Variants in KMT2C observed in about 807,000 individuals in gnomAD.
KMT2C encodes the protein histone-lysine N-methyltransferase 2C.
KMT2C carries 88 observed loss-of-function variants against 507.9 expected under a neutral mutation model. That is an observed-to-expected ratio of 0.17 (90% confidence interval 0.15 to 0.21). KMT2C has a LOEUF of 0.21. Ranked by LOEUF, KMT2C falls within the 10% of genes least tolerant of loss-of-function variation. The pLI, the probability that KMT2C is intolerant of heterozygous loss-of-function variation, is 1.00. For missense variants in KMT2C, 4,954 were observed against 5,957.8 expected, an observed-to-expected ratio of 0.83 and a Z score of 5.55; for synonymous variants, 2,049 against 2,080.8, an observed-to-expected ratio of 0.98 and a Z score of 0.42.
chr7:152,161,945 G>T (rs1271226336), intron 43 of KMT2C, among the ~76,000 whole-genome samples, 172 bp downstream of exon 43: 2 of 152,030 alleles, frequency 1.3e-5, no homozygotes, highest in African/African-American at 4.8e-5. Flanking sequence ...ATATAGTTTA[G>T]ATATAAGTAA....
At chr7:152,269,850 A>T (rs2095928657) in intron 7 of KMT2C, among the ~76,000 whole-genome samples, 1 of 152,234 alleles carries the variant, frequency 6.6e-6, no homozygotes. Flanking sequence ...ATCTTTAGAG[A>T]AGGTCATTTC....
At chr7:152,187,950 A>C in intron 31 of KMT2C, 103 bp from the exon 32 acceptor site, 1 of 1,023,850 alleles carries the variant, frequency 9.8e-7, no homozygotes, top group South Asian at 1.6e-5. Context: ...GCATGGGTCC[A>C]CATAAACACA....
chr7:152,194,367 C>A (rs2129129405), intron 29 of KMT2C, 73 bp downstream of exon 29: 7 of 1,483,198 alleles, frequency 4.7e-6, no homozygotes, highest in Non-Finnish European at 5.6e-6. Flanking sequence ...TAAATTATAA[C>A]CATGCAAAAA....
intron 42 of KMT2C, among the ~76,000 whole-genome samples, chr7:152,166,273 C>A (rs2092724109): frequency 6.6e-6 from 1 of 152,012 alleles, no homozygotes; most frequent in Non-Finnish European, 1.5e-5. Flanking sequence ...AGGCACACAC[C>A]ACCATACTTA....
At chr7:152,401,668 G>A (rs907364571) in intron 1 of KMT2C, among the ~76,000 whole-genome samples, 11 of 152,298 alleles carry the variant, frequency 7.2e-5, no homozygotes, top group African/African-American at 2.7e-4. Context: ...TCAAGCCTGG[G>A]CAACAGAGCA....
intron 3 of KMT2C, among the ~76,000 whole-genome samples, chr7:152,322,854 G>C (rs960726977): frequency 2.5e-4 from 38 of 152,026 alleles, no homozygotes; most frequent in African/African-American, 8.7e-4. Context: ...AATGGGCAAA[G>C]GACCTGAACA....
intron 3 of KMT2C, among the ~76,000 whole-genome samples, chr7:152,329,635 C>A (rs374320579): frequency 1.6e-5 from 2 of 124,474 alleles, no homozygotes; most frequent in South Asian, 2.6e-4. Context: ...AGAAGGGAAA[C>A]GAAGGGAGGA....
At chr7:152,356,335 G>A (rs2097151147) in intron 2 of KMT2C, among the ~76,000 whole-genome samples, 1 of 152,138 alleles carries the variant, frequency 6.6e-6, no homozygotes, top group African/African-American at 2.4e-5. Flanking sequence ...AGCATTTTGG[G>A]AGGCCAAGGT....
intron 9 of KMT2C, among the ~76,000 whole-genome samples, chr7:152,258,574 G>C (rs1302983657): frequency 1.3e-5 from 2 of 152,072 alleles, no homozygotes; most frequent in South Asian, 2.1e-4. Flanking sequence ...ACCCAGGCTG[G>C]AGTGTAGTAG....
chr7:152,376,012 C>T (rs2097326543), intron 1 of KMT2C, among the ~76,000 whole-genome samples: 1 of 152,006 alleles, frequency 6.6e-6, no homozygotes, highest in African/African-American at 2.4e-5. Flanking sequence ...GGGGTGTCAC[C>T]ATGTTGCTCA....
chr7:152,315,146 T>C lies in KMT2C; in HGVS notation c.582A>G (p.Gly194=), dbSNP rs1221305530. 4 of 1,613,762 alleles carry C rather than the reference T, an allele frequency of 2.5e-6. No individual in the cohort carries two copies. The highest frequency in any genetic ancestry group is 3.4e-6 in the Non-Finnish European group (4 of 1,179,812). ...MQNSAPRKQR[G]QRKERSPQQN... Reference sequence around the variant, plus strand: ...AAGTCGAAACTGCTTACTTTCTCTGTCCTCTTTGTTTTCGTGGTGCTGAGT... The same window carrying C: ...AAGTCGAAACTGCTTACTTTCTCTGCCCTCTTTGTTTTCGTGGTGCTGAGT... Residue 194 remains glycine, a synonymous_variant, in exon 4 of 59, where the codon GGA becomes GGG. Transcript: ENST00000262189.
intron 1 of KMT2C, chr7:152,368,053 A>C: frequency 1.2e-6 from 1 of 860,506 alleles, no homozygotes; most frequent in Non-Finnish European, 2.0e-6. Flanking sequence ...GAAGAAAATA[A>C]ACTTGCTAAA....
intron 16 of KMT2C, among the ~76,000 whole-genome samples, chr7:152,231,199 G>T (rs2095098388): frequency 6.6e-6 from 1 of 152,174 alleles, no homozygotes; most frequent in Non-Finnish European, 1.5e-5. Context: ...TTAGCCATAT[G>T]ATTATCAACC....
chr7:152,393,281 A>G (rs2097514221), intron 1 of KMT2C, among the ~76,000 whole-genome samples: 1 of 152,204 alleles, frequency 6.6e-6, no homozygotes, highest in South Asian at 2.1e-4. Flanking sequence ...TTCAATGGAG[A>G]TTCACTTTAT....
chr7:152,208,964 C>T (rs1303517992), intron 23 of KMT2C, among the ~76,000 whole-genome samples: 2 of 148,938 alleles, frequency 1.3e-5, no homozygotes, highest in African/African-American at 5.0e-5. Flanking sequence ...TCAGGAGTTC[C>T]GTACCAGCCT....
rs117187677 is a variant in KMT2C at position 152,177,962 on chromosome 7, G to A, written c.7491C>T (p.Arg2497=). Residue 2497 remains arginine, a synonymous_variant, in exon 38 of 59, where the codon CGC becomes CGT. Coordinates refer to ENST00000262189, the MANE Select transcript of KMT2C (RefSeq NM_170606.3). ...GSHGTMPSQE[R]FLVPPQQIQG... ...GTATTTGCTGAGGAGGCACAAGGAAGCGCTCTTGACTCGGCATGGTACCAT... is the reference window on the plus strand; with the variant it reads ...GTATTTGCTGAGGAGGCACAAGGAAACGCTCTTGACTCGGCATGGTACCAT... The A allele has an allele frequency of 7.1e-3, 11,096 of 1,563,302 alleles. 60 individuals are homozygous for A. Among genetic ancestry groups the A allele is most frequent in the Non-Finnish European group, 7.8e-3 (9,088 of 1,163,652 alleles).
chr7:152,418,883 A>G (rs1589914463), intron 1 of KMT2C, among the ~76,000 whole-genome samples: 4 of 151,988 alleles, frequency 2.6e-5, no homozygotes, highest in Admixed American at 6.6e-5. Context: ...AACTGTGTAT[A>G]TGAAAAAAGT....
chr7:152,220,205 G>A (rs1438022166), intron 23 of KMT2C: 4 of 317,660 alleles, frequency 1.3e-5, no homozygotes, highest in Non-Finnish European at 2.4e-5. Flanking sequence ...CAAGCTCACA[G>A]TATCTGAGAA....
intron 26 of KMT2C, among the ~76,000 whole-genome samples, chr7:152,201,851 T>G (rs1016939479): frequency 2.0e-5 from 3 of 151,962 alleles, no homozygotes; most frequent in African/African-American, 7.3e-5. Context: ...ATGTCACAAA[T>G]GAGGAAACCG....
Sources: allele counts gnomAD v4.1 joint callset (sites outside exome capture counted in the v4.1 genomes callset), GRCh38; gene constraint gnomAD v4.1.1; transcripts MANE v1.5; gene names NCBI Gene and HGNC (gene_info 2026-07-23, HGNC 2026-07-21).